TFCP2: variants seen among roughly 807,000 people sequenced by gnomAD.
TFCP2 encodes the protein transcription factor CP2.
Under a neutral mutation model 73.4 loss-of-function variants are expected in TFCP2, and 33 were observed. That is an observed-to-expected ratio of 0.45 (90% confidence interval 0.34 to 0.60). The LOEUF is 0.60. Among genes scored for constraint, TFCP2 ranks in the 20% least tolerant of loss-of-function variants. The pLI is 0.01. For synonymous variants in TFCP2, 193 were observed against 211.6 expected (o/e 0.91, Z 0.76); for missense variants, 352 against 604.0 (o/e 0.58, Z 4.37).
In TFCP2 at chr12:51,172,347, G is replaced by A. The variant is rs1941878916; in HGVS notation, c.76C>T (p.Leu26=). 2 of 1,614,118 alleles carry A rather than the reference G, an allele frequency of 1.2e-6. No homozygotes were observed. Among genetic ancestry groups the A allele is most frequent in the Non-Finnish European group, 1.7e-6 (2 of 1,180,028 alleles). Residue 26 remains leucine (L), a synonymous_variant, in exon 1 of 15, where the codon CTG becomes TTG. Transcript: ENST00000257915. ...SGLVQDFDAS[L]SGIGQELGAG... ...CCCAGTTCCTGGCCGATCCCGGACA[G>A]GCTAGCATCAAAGTCCTGCACCAAC...
chr12:51,125,329 TA>T, intron 1 of TFCP2: 1 of 514,134 alleles, frequency 1.9e-6, no homozygotes. Context: ...CCACATTATA[TA>T]AGGCAGAGTT....
intron 1 of TFCP2, among the ~76,000 whole-genome samples, chr12:51,140,445 C>CTTTTTTTTTTTTTTTTTTTTTTTTTTTTT (rs768526922): frequency 3.7e-4 from 33 of 88,032 alleles, no homozygotes; most frequent in Non-Finnish European, 4.8e-4. Flanking sequence ...TTTTCTTTTT[C>CTTTTTTTTTTTTTTTTTTTTTTTTTTTTT]TTTTTTTTTT....
chr12:51,109,265 ACAGT>A lies in TFCP2; in HGVS notation c.569_572del (p.His190LeufsTer8). Reference sequence around the variant, plus strand: ...TCCTCATAGTGAACTCTGTGCTAATACAGTGCACCTGAAAAGAATACAACAGCAA... The same window carrying A: ...TCCTCATAGTGAACTCTGTGCTAATAGCACCTGAAAAGAATACAACAGCAA... On this transcript the variant is annotated frameshift_variant, in exon 6 of 15. Coordinates refer to ENST00000257915, the MANE Select transcript of TFCP2 (RefSeq NM_005653.5). LOFTEE classifies it high-confidence loss of function. The A allele has an allele frequency of 2.5e-6, 4 of 1,614,148 alleles. No individual in the cohort carries two copies. The highest frequency in any genetic ancestry group is 3.4e-6 in the Non-Finnish European group (4 of 1,180,028).
At chr12:51,167,010 C>G (rs1301815053) in intron 1 of TFCP2, among the ~76,000 whole-genome samples, 2 of 152,178 alleles carry the variant, frequency 1.3e-5, no homozygotes, top group East Asian at 3.8e-4. Context: ...TTCTAGTCAA[C>G]CACTAATTTA....
At chr12:51,155,206 C>G (rs1284402663) in intron 1 of TFCP2, among the ~76,000 whole-genome samples, 1 of 152,194 alleles carries the variant, frequency 6.6e-6, no homozygotes, top group Non-Finnish European at 1.5e-5. Flanking sequence ...CCTTCAGCCT[C>G]GGTCTGAGAG....
chr12:51,114,036 T>C (rs954844956), intron 4 of TFCP2, among the ~76,000 whole-genome samples: 6 of 152,088 alleles, frequency 3.9e-5, no homozygotes, highest in Non-Finnish European at 8.8e-5. Context: ...AATTTGGCAA[T>C]GATTTCTTGG....
At chr12:51,098,623 CAA>C (rs879888279) in intron 13 of TFCP2, among the ~76,000 whole-genome samples, 151 bp downstream of exon 13, 2 of 128,698 alleles carry the variant, frequency 1.6e-5, no homozygotes, top group African/African-American at 2.9e-5. Context: ...GAGACTGTTT[CAA>C]AAAAAAAAAA....
chr12:51,132,387 T>TTTTTTTTTTTG (rs1186866774), intron 1 of TFCP2, among the ~76,000 whole-genome samples: 1 of 127,582 alleles, frequency 7.8e-6, no homozygotes, highest in Non-Finnish European at 1.7e-5. Flanking sequence ...TTTTTTTTTT[T>TTTTTTTTTTTG]AGACAGAGTC....
At chr12:51,130,398 G>A (rs1736722423) in intron 1 of TFCP2, among the ~76,000 whole-genome samples, 1 of 152,038 alleles carries the variant, frequency 6.6e-6, no homozygotes, top group Non-Finnish European at 1.5e-5. Context: ...CTTGAACCTG[G>A]GAGGCAGAGG....
At chr12:51,153,869 C>T (rs979237081) in intron 1 of TFCP2, among the ~76,000 whole-genome samples, 2 of 152,180 alleles carry the variant, frequency 1.3e-5, no homozygotes, top group South Asian at 4.1e-4. Context: ...CAAGTCGCTG[C>T]TGTCAATTGT....
chr12:51,112,238 T>C (rs1940420408), intron 4 of TFCP2, among the ~76,000 whole-genome samples: 1 of 152,252 alleles, frequency 6.6e-6, no homozygotes, highest in African/African-American at 2.4e-5. Flanking sequence ...TCAATACATA[T>C]AATGCATAGT....
At chr12:51,141,562 T>C (rs987279282) in intron 1 of TFCP2, among the ~76,000 whole-genome samples, 2 of 152,102 alleles carry the variant, frequency 1.3e-5, no homozygotes, top group Admixed American at 6.6e-5. Context: ...ATAAACACTA[T>C]TTTTTTAAAT....
intron 1 of TFCP2, among the ~76,000 whole-genome samples, chr12:51,141,794 T>C (rs1218312978): frequency 6.6e-6 from 1 of 150,522 alleles, no homozygotes; most frequent in Non-Finnish European, 1.5e-5. Flanking sequence ...TAATCACACC[T>C]ACTCGGGAGG....
At chr12:51,165,759 T>C (rs1376461387) in intron 1 of TFCP2, among the ~76,000 whole-genome samples, 2 of 152,232 alleles carry the variant, frequency 1.3e-5, no homozygotes, top group Non-Finnish European at 2.9e-5. Context: ...TAGAATTTTA[T>C]GTTATGTGTA....
chr12:51,171,424 C>A (rs1337938851), intron 1 of TFCP2, among the ~76,000 whole-genome samples: 1 of 152,206 alleles, frequency 6.6e-6, no homozygotes, highest in Non-Finnish European at 1.5e-5. Flanking sequence ...GTTGCCCAGG[C>A]TGGAGTGCAA....
At position 51,095,181 on chromosome 12, in the gene TFCP2, A is replaced by G. The variant is rs1939923704; in HGVS notation, c.*60T>C. On this transcript the variant is annotated 3_prime_UTR_variant, in exon 15 of 15. Transcript: ENST00000257915. ...CAAATCTCCATTCATATCCCCCTTC[A>G]AGAGGGCCGTTTTCAGAGGTGAAGG... 7 of 1,576,582 alleles carry G rather than the reference A, an allele frequency of 4.4e-6. No homozygotes were observed. In the Admixed American group the frequency reaches 6.7e-5, roughly 15 times the overall value.
At chr12:51,102,717 C>T (rs941253885) in intron 10 of TFCP2, among the ~76,000 whole-genome samples, 1 of 151,196 alleles carries the variant, frequency 6.6e-6, no homozygotes, top group African/African-American at 2.4e-5. Flanking sequence ...AGTGAGACTC[C>T]GTCTCAAAAA....
At chr12:51,161,537 G>A (rs559771124) in intron 1 of TFCP2, among the ~76,000 whole-genome samples, 12 of 151,716 alleles carry the variant, frequency 7.9e-5, no homozygotes, top group East Asian at 5.8e-4. Context: ...AAAATTAGCC[G>A]GGCATGGTGG....
intron 1 of TFCP2, among the ~76,000 whole-genome samples, chr12:51,137,854 C>T (rs1475737429): frequency 2.0e-5 from 3 of 152,202 alleles, no homozygotes; most frequent in Non-Finnish European, 4.4e-5. Flanking sequence ...AGGGAATCCA[C>T]ACTTAGCCCT....
Sources: allele counts gnomAD v4.1 joint callset (sites outside exome capture counted in the v4.1 genomes callset), GRCh38; gene constraint gnomAD v4.1.1; transcripts MANE v1.5; gene names NCBI Gene and HGNC (gene_info 2026-07-23, HGNC 2026-07-21).